The following KCNH8 variants were observed in gnomAD, a reference collection of about 807,000 sequenced individuals.
KCNH8 encodes the protein voltage-gated delayed rectifier potassium channel KCNH8.
A neutral mutation model predicts 103.6 loss-of-function variants in KCNH8; 70 were observed. That is an observed-to-expected ratio of 0.68 (90% CI 0.56 to 0.82). KCNH8 has a LOEUF of 0.82. KCNH8 is among the 40% of genes least tolerant of loss of function. The pLI is 0.00. For synonymous variants in KCNH8, 498 were observed against 489.4 expected (o/e 1.02, Z -0.23); for missense variants, 1,217 against 1,329.9 (o/e 0.92, Z 1.32).
chr3:19,303,031 C>A (rs765247311), intron 3 of KCNH8, among the ~76,000 whole-genome samples: 1 of 152,088 alleles, frequency 6.6e-6, no homozygotes, highest in East Asian at 1.9e-4. Context: ...CCATCCATAC[C>A]GAACCTCAAT....
chr3:19,256,366 A>G (rs990286051), intron 2 of KCNH8, among the ~76,000 whole-genome samples: 13 of 152,118 alleles, frequency 8.5e-5, no homozygotes, highest in African/African-American at 3.1e-4. Flanking sequence ...TCAATACATA[A>G]GGCCTACATA....
chr3:19,275,264 G>GT (rs1553632302), intron 2 of KCNH8, among the ~76,000 whole-genome samples: 1 of 151,840 alleles, frequency 6.6e-6, no homozygotes, highest in Non-Finnish European at 1.5e-5. Context: ...CTACCCATCT[G>GT]TTTTTAACGC....
intron 7 of KCNH8, among the ~76,000 whole-genome samples, chr3:19,433,261 T>G (rs1575062067): frequency 6.6e-6 from 1 of 152,142 alleles, no homozygotes; most frequent in African/African-American, 2.4e-5. Flanking sequence ...CCTGGAAGGT[T>G]GTATAGCAAT....
chr3:19,387,156 CAA>C (rs2125128564), intron 5 of KCNH8, among the ~76,000 whole-genome samples: 1 of 152,216 alleles, frequency 6.6e-6, no homozygotes, highest in South Asian at 2.1e-4. Flanking sequence ...CTTCCAGAAT[CAA>C]AGACAGTTCA....
intron 7 of KCNH8, among the ~76,000 whole-genome samples, chr3:19,436,514 GA>G (rs2067202066): frequency 2.0e-5 from 3 of 152,294 alleles, no homozygotes; most frequent in South Asian, 4.1e-4. Flanking sequence ...CGGATTTGTG[GA>G]TGTTACCTCC....
chr3:19,508,438 A>T (rs960324544), intron 11 of KCNH8, among the ~76,000 whole-genome samples: 16 of 152,218 alleles, frequency 1.1e-4, no homozygotes, highest in African/African-American at 3.9e-4. Flanking sequence ...ATTACTTTGC[A>T]GCCATCACCA....
chr3:19,349,194 C>A (rs1466358516), intron 5 of KCNH8, among the ~76,000 whole-genome samples: 1 of 151,836 alleles, frequency 6.6e-6, no homozygotes. Context: ...TAAAATATAG[C>A]TATCCTTTAT....
At chr3:19,463,405 A>G (rs1224819636) in intron 11 of KCNH8, among the ~76,000 whole-genome samples, 1 of 152,160 alleles carries the variant, frequency 6.6e-6, no homozygotes, top group Non-Finnish European at 1.5e-5. Flanking sequence ...GTCTAAACCC[A>G]TAAGGGTTTG....
chr3:19,470,893 G>A (rs975860747), intron 11 of KCNH8, among the ~76,000 whole-genome samples: 2 of 152,256 alleles, frequency 1.3e-5, no homozygotes, highest in African/African-American at 4.8e-5. Context: ...CACATAAAAA[G>A]CTTTAAAATA....
chr3:19,523,920 A>G (rs1246570938), intron 15 of KCNH8, among the ~76,000 whole-genome samples: 3 of 151,908 alleles, frequency 2.0e-5, no homozygotes, highest in Non-Finnish European at 2.9e-5. Context: ...TGGAAAACAG[A>G]GAAAGAATCT....
chr3:19,255,717 G>C (rs2064337875), intron 2 of KCNH8, among the ~76,000 whole-genome samples: 1 of 151,904 alleles, frequency 6.6e-6, no homozygotes, highest in Admixed American at 6.6e-5. Flanking sequence ...TAATAGCTAA[G>C]ATGTTGCTAA....
intron 3 of KCNH8, among the ~76,000 whole-genome samples, chr3:19,322,817 G>A (rs2065367367): frequency 6.6e-6 from 1 of 152,050 alleles, no homozygotes; most frequent in South Asian, 2.1e-4. Context: ...TCTTCTTCAG[G>A]AACACCAATT....
chr3:19,298,990 G>A (rs996739594), intron 3 of KCNH8, among the ~76,000 whole-genome samples: 23 of 151,772 alleles, frequency 1.5e-4, no homozygotes, highest in Non-Finnish European at 3.1e-4. Context: ...AATAAGAGGG[G>A]TGCTTTGGAG....
intron 4 of KCNH8, among the ~76,000 whole-genome samples, chr3:19,345,281 G>A (rs1259289013): frequency 6.6e-6 from 1 of 152,044 alleles, no homozygotes; most frequent in Admixed American, 6.6e-5. Context: ...CGGGGACAGT[G>A]GTGATCAGCA....
chr3:19,210,636 G>A (rs1371787670), intron 1 of KCNH8, among the ~76,000 whole-genome samples: 5 of 151,836 alleles, frequency 3.3e-5, no homozygotes, highest in Non-Finnish European at 5.9e-5. Context: ...CTGACACATT[G>A]TAAAATGGCT....
At chr3:19,233,486 T>C (rs1290508016) in intron 1 of KCNH8, among the ~76,000 whole-genome samples, 1 of 152,014 alleles carries the variant, frequency 6.6e-6, no homozygotes, top group Non-Finnish European at 1.5e-5. Flanking sequence ...TATTCTTTCA[T>C]GAATGGATAA....
intron 1 of KCNH8, among the ~76,000 whole-genome samples, chr3:19,240,265 A>T (rs1354073418): frequency 1.3e-5 from 2 of 152,048 alleles, no homozygotes; most frequent in Non-Finnish European, 2.9e-5. Flanking sequence ...TTTCTAAATT[A>T]TCCAATTTCT....
At chr3:19,217,215 AG>A (rs2063826631) in intron 1 of KCNH8, among the ~76,000 whole-genome samples, 1 of 152,116 alleles carries the variant, frequency 6.6e-6, no homozygotes, top group Non-Finnish European at 1.5e-5. Flanking sequence ...GTTCTATTTC[AG>A]TTTATTTAGA....
At chr3:19,507,272 G>A (rs1440911515) in intron 11 of KCNH8, among the ~76,000 whole-genome samples, 1 of 152,194 alleles carries the variant, frequency 6.6e-6, no homozygotes, top group Non-Finnish European at 1.5e-5. Context: ...AACCACTGCT[G>A]TGGCAATGAC....
Sources: allele counts gnomAD v4.1 joint callset (sites outside exome capture counted in the v4.1 genomes callset), GRCh38; gene constraint gnomAD v4.1.1; transcripts MANE v1.5; gene names NCBI Gene and HGNC (gene_info 2026-07-23, HGNC 2026-07-21).